SGCZ: variants seen among roughly 807,000 people sequenced by gnomAD.
SGCZ encodes the protein sarcoglycan zeta.
Under a neutral mutation model 41.3 loss-of-function variants are expected in SGCZ, and 40 were observed. The ratio of observed to expected loss-of-function variants is 0.97; its 90% CI spans 0.75 to 1.26. The LOEUF is 1.26. SGCZ is among the 50% of genes most tolerant of loss of function. The pLI is 0.00. For synonymous variants in SGCZ, 206 were observed against 137.5 expected, an observed-to-expected ratio of 1.50 and a Z score of -3.49; for missense variants, 552 against 369.8, an observed-to-expected ratio of 1.49 and a Z score of -4.04.
At chr8:14,175,647 C>T (rs1804520418) in intron 4 of SGCZ, among the ~76,000 whole-genome samples, 1 of 151,704 alleles carries the variant, frequency 6.6e-6, no homozygotes, top group African/African-American at 2.4e-5. Context: ...TTAATAAAAA[C>T]AACATGCAAT....
intron 3 of SGCZ, among the ~76,000 whole-genome samples, chr8:14,291,348 T>C (rs1427137055): frequency 6.6e-6 from 1 of 151,542 alleles, no homozygotes; most frequent in Non-Finnish European, 1.5e-5. Flanking sequence ...GTGATAGATA[T>C]GCTAATTACC....
intron 4 of SGCZ, among the ~76,000 whole-genome samples, chr8:14,207,243 G>GT (rs1230411043): frequency 1.8e-5 from 2 of 108,232 alleles, no homozygotes; most frequent in African/African-American, 7.8e-5. Flanking sequence ...TATTTAACTA[G>GT]TTTTTTCAAT....
At chr8:14,911,510 C>A (rs186618278) in intron 1 of SGCZ, among the ~76,000 whole-genome samples, 1 of 152,008 alleles carries the variant, frequency 6.6e-6, no homozygotes, top group East Asian at 1.9e-4. Context: ...AAAGCTAAAC[C>A]TGGGCTACCA....
chr8:14,519,845 C>A (rs1383718527), intron 2 of SGCZ, among the ~76,000 whole-genome samples: 1 of 152,078 alleles, frequency 6.6e-6, no homozygotes, highest in Non-Finnish European at 1.5e-5. Flanking sequence ...TACCACTGAT[C>A]GTGTTTTGTG....
chr8:14,711,681 A>G (rs1809523519), intron 1 of SGCZ, among the ~76,000 whole-genome samples: 1 of 151,878 alleles, frequency 6.6e-6, no homozygotes, highest in Non-Finnish European at 1.5e-5. Flanking sequence ...AACATATGTA[A>G]TAAGTCATAT....
chr8:15,176,971 A>G (rs956736860), intron 1 of SGCZ, among the ~76,000 whole-genome samples: 1 of 152,206 alleles, frequency 6.6e-6, no homozygotes, highest in Non-Finnish European at 1.5e-5. Context: ...ACTGCACTCC[A>G]GCCTGGGCAA....
chr8:15,021,441 G>T (rs1409683982), intron 1 of SGCZ, among the ~76,000 whole-genome samples: 1 of 152,166 alleles, frequency 6.6e-6, no homozygotes, highest in East Asian at 1.9e-4. Context: ...ATAGCATACA[G>T]ATCAGAATCT....
At chr8:14,453,453 T>C (rs2116932116) in intron 2 of SGCZ, among the ~76,000 whole-genome samples, 1 of 152,340 alleles carries the variant, frequency 6.6e-6, no homozygotes, top group South Asian at 2.1e-4. Context: ...GTTTGGGTAC[T>C]AAGTGTCTCA....
chr8:14,778,818 A>G (rs990908700), intron 1 of SGCZ, among the ~76,000 whole-genome samples: 1 of 152,228 alleles, frequency 6.6e-6, no homozygotes, highest in African/African-American at 2.4e-5. Context: ...AAGAAGATCA[A>G]CAATCCCAAG....
intron 1 of SGCZ, among the ~76,000 whole-genome samples, chr8:14,956,042 T>C (rs1002305615): frequency 2.0e-5 from 2 of 102,112 alleles, no homozygotes; most frequent in East Asian, 3.2e-4. Context: ...ACTTTTACTT[T>C]TTTTTTTTTT....
At chr8:14,423,318 TAAAAAAAGA>T (rs1424333431) in intron 2 of SGCZ, among the ~76,000 whole-genome samples, 1 of 142,890 alleles carries the variant, frequency 7.0e-6, no homozygotes, top group Non-Finnish European at 1.6e-5. Context: ...ATAATAATAA[TAAAAAAAGA>T]AAAAAAAGTA....
chr8:15,021,916 C>T (rs556200202), intron 1 of SGCZ, among the ~76,000 whole-genome samples: 10 of 152,252 alleles, frequency 6.6e-5, no homozygotes, highest in African/African-American at 1.7e-4. Flanking sequence ...TTTTTGACCC[C>T]GTTCACACTA....
At chr8:14,124,913 AAGT>A (rs1802805365) in intron 5 of SGCZ, among the ~76,000 whole-genome samples, 1 of 152,152 alleles carries the variant, frequency 6.6e-6, no homozygotes, top group Admixed American at 6.5e-5. Flanking sequence ...AGCTGACCAA[AAGT>A]TCCTTAAACT....
At chr8:14,625,214 C>G (rs1182551303) in intron 1 of SGCZ, among the ~76,000 whole-genome samples, 1 of 152,086 alleles carries the variant, frequency 6.6e-6, no homozygotes, top group Non-Finnish European at 1.5e-5. Flanking sequence ...AGCATTACAA[C>G]ATTTTTTAAC....
At chr8:15,209,475 T>TA (rs57088562) in intron 1 of SGCZ, among the ~76,000 whole-genome samples, 1,964 of 141,306 alleles carry the variant, frequency 0.014, 32 homozygotes, top group Admixed American at 0.029. Context: ...AGCATAATAG[T>TA]AAAAAAAAAA....
At chr8:14,592,594 CAA>C (rs35874655) in intron 1 of SGCZ, among the ~76,000 whole-genome samples, 4 of 149,356 alleles carry the variant, frequency 2.7e-5, no homozygotes, top group Non-Finnish European at 4.5e-5. Context: ...TTTCCTTATT[CAA>C]AAAAAAAATC....
At chr8:14,100,634 ATAT>A (rs1801990632) in intron 7 of SGCZ, among the ~76,000 whole-genome samples, 2 of 148,804 alleles carry the variant, frequency 1.3e-5, no homozygotes, top group East Asian at 1.9e-4. Context: ...TATTTTCAAA[ATAT>A]TATACATTAG....
At chr8:14,204,076 T>C (rs528980864) in intron 4 of SGCZ, among the ~76,000 whole-genome samples, 1 of 152,194 alleles carries the variant, frequency 6.6e-6, no homozygotes, top group African/African-American at 2.4e-5. Context: ...TCCATACTGA[T>C]GGAGGATAAA....
chr8:14,328,636 G>A (rs947218344), intron 2 of SGCZ, among the ~76,000 whole-genome samples: 4 of 151,936 alleles, frequency 2.6e-5, no homozygotes, highest in African/African-American at 9.6e-5. Context: ...TATTTTAAGA[G>A]AAACTATCTT....
Sources: gnomAD v4.1 joint callset for allele counts (sites outside exome capture counted in the v4.1 genomes callset) on GRCh38, gnomAD v4.1.1 for gene constraint, MANE v1.5 for transcripts, NCBI Gene and HGNC (gene_info 2026-07-23, HGNC 2026-07-21) for gene names.